WDPCP: variants seen among roughly 807,000 people sequenced by gnomAD.
The protein encoded by WDPCP is WD repeat-containing and planar cell polarity effector protein fritz homolog.
In WDPCP, 71 loss-of-function variants were observed where a neutral mutation model predicts 93.1. The observed-to-expected ratio is 0.76, with a 90% CI of 0.63 to 0.93. WDPCP has a LOEUF of 0.93. WDPCP is among the 40% of genes least tolerant of loss of function. The pLI, the probability that WDPCP is intolerant of heterozygous loss-of-function variation, is 0.00. For synonymous variants in WDPCP, 315 were observed against 315.0 expected, an observed-to-expected ratio of 1.00 and a Z score of 0.00; for missense variants, 844 against 887.4, an observed-to-expected ratio of 0.95 and a Z score of 0.62.
At chr2:63,230,590 C>T (rs1334546254) in intron 14 of WDPCP, among the ~76,000 whole-genome samples, 1 of 152,150 alleles carries the variant, frequency 6.6e-6, no homozygotes, top group African/African-American at 2.4e-5. Flanking sequence ...ACATCCTCTC[C>T]AGCACCTATT....
At chr2:63,279,924 G>C (rs1275556356) in intron 13 of WDPCP, among the ~76,000 whole-genome samples, 1 of 152,128 alleles carries the variant, frequency 6.6e-6, no homozygotes, top group African/African-American at 2.4e-5. Context: ...TCTAACAAAG[G>C]AGGTGAAAGA....
chr2:63,384,921 A>C (rs1207188835), intron 10 of WDPCP, among the ~76,000 whole-genome samples: 1 of 151,918 alleles, frequency 6.6e-6, no homozygotes, highest in Non-Finnish European at 1.5e-5. Flanking sequence ...AAACACAAAA[A>C]CCCTTAACAT....
intron 2 of WDPCP, among the ~76,000 whole-genome samples, chr2:63,761,085 G>T (rs968757656): frequency 6.6e-6 from 1 of 152,190 alleles, no homozygotes; most frequent in Non-Finnish European, 1.5e-5. Flanking sequence ...CAAAGTTCAA[G>T]TGTTGCAAAC....
chr2:63,541,573 T>C (rs1017523793), intron 1 of WDPCP, among the ~76,000 whole-genome samples: 2 of 152,126 alleles, frequency 1.3e-5, no homozygotes, highest in Admixed American at 6.6e-5. Flanking sequence ...ATATAGCAAA[T>C]GTTTCCATTT....
intron 9 of WDPCP, among the ~76,000 whole-genome samples, chr2:63,416,667 G>A (rs774450678): frequency 4.6e-5 from 7 of 151,900 alleles, no homozygotes; most frequent in Non-Finnish European, 7.4e-5. Context: ...GGGATTACAG[G>A]TCCCCGCCAC....
intron 2 of WDPCP, among the ~76,000 whole-genome samples, chr2:63,658,272 C>A (rs1266241796): frequency 6.6e-6 from 1 of 152,182 alleles, no homozygotes; most frequent in Non-Finnish European, 1.5e-5. Context: ...GGAGAGTACA[C>A]AAGGTCCAGA....
intron 2 of WDPCP, among the ~76,000 whole-genome samples, chr2:63,676,844 A>C (rs1710409539): frequency 6.6e-6 from 1 of 152,068 alleles, no homozygotes. Context: ...TAACTGGTAA[A>C]ATCTGAATAG....
At chr2:63,191,603 G>A (rs1480739651) in intron 14 of WDPCP, among the ~76,000 whole-genome samples, 1 of 151,898 alleles carries the variant, frequency 6.6e-6, no homozygotes, top group Non-Finnish European at 1.5e-5. Flanking sequence ...CACTTTAGTG[G>A]GGCAGGCACA....
intron 15 of WDPCP, chr2:63,168,553 T>C (rs550685810): frequency 6.6e-6 from 1 of 152,332 alleles, no homozygotes; most frequent in Admixed American, 6.5e-5. Flanking sequence ...CTTTTACTAA[T>C]ATTTTATAAT....
intron 6 of WDPCP, among the ~76,000 whole-genome samples, chr2:63,452,391 T>G (rs1328978253): frequency 2.0e-5 from 3 of 152,162 alleles, no homozygotes; most frequent in African/African-American, 7.2e-5. Context: ...ACAAGGGATG[T>G]GAAGGACCTC....
intron 2 of WDPCP, among the ~76,000 whole-genome samples, chr2:63,660,573 A>G (rs567248544): frequency 6.6e-6 from 1 of 152,180 alleles, no homozygotes; most frequent in Non-Finnish European, 1.5e-5. Context: ...TATTACCTCA[A>G]AACTAAAGCT....
Position 63,571,374 on chromosome 2 carries a change from C to G in WDPCP, c.75+16823G>C. On this transcript the variant is annotated intron_variant, in intron 1 of 17. Coordinates refer to ENST00000272321, the MANE Select transcript of WDPCP (RefSeq NM_015910.7). ...ATAAATATATTTACCCATATACTTA[C>G]CATTTCTGGAGTTCTCCATTCCTCA... 2.2e-6 allele frequency: 1 copy of G among 460,418 alleles called. No individual in the cohort carries two copies. The highest frequency in any genetic ancestry group is 4.4e-6 in the Non-Finnish European group (1 of 226,936). 28.5% of individuals were successfully genotyped at this position (460,418 alleles called of 1,614,324 possible).
chr2:63,381,276 C>T (rs1166624620), intron 11 of WDPCP, among the ~76,000 whole-genome samples: 1 of 152,028 alleles, frequency 6.6e-6, no homozygotes, highest in Non-Finnish European at 1.5e-5. Context: ...TGCCCCACCC[C>T]CTGACCTTAG....
intron 1 of WDPCP, among the ~76,000 whole-genome samples, chr2:63,537,759 T>C (rs2106284220): frequency 6.6e-6 from 1 of 152,360 alleles, no homozygotes; most frequent in East Asian, 1.9e-4. Flanking sequence ...AGATGGGTTG[T>C]GCTTTCCTCA....
At chr2:63,211,963 G>A (rs1333690427) in intron 14 of WDPCP, among the ~76,000 whole-genome samples, 1 of 152,162 alleles carries the variant, frequency 6.6e-6, no homozygotes, top group African/African-American at 2.4e-5. Flanking sequence ...GAAATATGGG[G>A]ACTATGTGAA....
At chr2:63,283,394 T>C (rs1683720805) in intron 13 of WDPCP, among the ~76,000 whole-genome samples, 1 of 152,226 alleles carries the variant, frequency 6.6e-6, no homozygotes, top group Non-Finnish European at 1.5e-5. Context: ...TGTATAATTA[T>C]TCAAACATTC....
chr2:63,776,170 AAAG>A (rs1207731265), intron 2 of WDPCP, among the ~76,000 whole-genome samples: 1 of 152,142 alleles, frequency 6.6e-6, no homozygotes, highest in African/African-American at 2.4e-5. Flanking sequence ...CAAAAAAAAA[AAAG>A]AACTTTTGAA....
At chr2:63,658,072 A>G (rs1297445251) in intron 2 of WDPCP, among the ~76,000 whole-genome samples, 1 of 152,170 alleles carries the variant, frequency 6.6e-6, no homozygotes. Context: ...AGCTTCAAAA[A>G]ACTGAAGGTT....
chr2:63,237,507 C>T (rs1223326188), intron 14 of WDPCP, among the ~76,000 whole-genome samples: 1 of 152,066 alleles, frequency 6.6e-6, no homozygotes, highest in African/African-American at 2.4e-5. Flanking sequence ...ATTGTGCTAC[C>T]AAAGATACCC....
Sources: allele counts gnomAD v4.1 joint callset (sites outside exome capture counted in the v4.1 genomes callset), GRCh38; gene constraint gnomAD v4.1.1; transcripts MANE v1.5; gene names NCBI Gene and HGNC (gene_info 2026-07-23, HGNC 2026-07-21).